Variants in KCND3 observed in about 807,000 individuals in gnomAD.
The protein encoded by KCND3 is A-type voltage-gated potassium channel KCND3.
In KCND3, 9 loss-of-function variants were observed where a neutral mutation model predicts 51.1. That is an observed-to-expected ratio of 0.18 (90% CI 0.11 to 0.31). The LOEUF (loss-of-function observed/expected upper bound fraction) is 0.31. Among genes scored for constraint, KCND3 ranks in the 10% least tolerant of loss-of-function variants. The pLI is 1.00. For synonymous variants in KCND3, 349 were observed against 368.0 expected (o/e 0.95, Z 0.59); for missense variants, 526 against 903.8 (o/e 0.58, Z 5.36).
At chr1:111,966,575 C>T (rs1392308485) in intron 2 of KCND3, among the ~76,000 whole-genome samples, 1 of 152,128 alleles carries the variant, frequency 6.6e-6, no homozygotes, top group African/African-American at 2.4e-5. Flanking sequence ...GAAGCCTCCA[C>T]CCACCGACGG....
intron 6 of KCND3, 123 bp from the exon 7 acceptor site, chr1:111,777,396 G>A (rs994729028): frequency 1.6e-5 from 16 of 1,021,620 alleles, no homozygotes; most frequent in African/African-American, 9.4e-5. Context: ...CCAGCTGCCC[G>A]GATCACAGAT....
In KCND3 at chr1:111,860,543, C is replaced by G. The variant is rs144058325; in HGVS notation, c.1107-73437G>C. 3.1e-3 allele frequency among the ~76,000 whole-genome samples: 476 copies of G among 152,280 alleles called. 3 individuals carry two copies. Among genetic ancestry groups the G allele is most frequent in the African/African-American group, 0.011 (454 of 41,554 alleles). ...TACAGCTTCTCAGTCCCCCACCCCC[C>G]CAACTTGGGATTTAGTTCTATCCAT... is the stretch of plus-strand genomic sequence containing the variant. On this transcript the variant is annotated intron_variant, in intron 2 of 7. Transcript: ENST00000302127.
chr1:111,812,791 G>GCT (rs1665914757), intron 2 of KCND3, among the ~76,000 whole-genome samples: 1 of 152,142 alleles, frequency 6.6e-6, no homozygotes, highest in African/African-American at 2.4e-5. Flanking sequence ...AGGGCACAGG[G>GCT]AGCCGGGCAC....
At chr1:111,860,869 T>C (rs965255973) in intron 2 of KCND3, among the ~76,000 whole-genome samples, 5 of 152,166 alleles carry the variant, frequency 3.3e-5, no homozygotes, top group African/African-American at 1.2e-4. Flanking sequence ...TGAGCCCAAG[T>C]CTTAGCCAGC....
intron 2 of KCND3, among the ~76,000 whole-genome samples, chr1:111,891,922 A>G (rs1669842405): frequency 6.6e-6 from 1 of 151,820 alleles, no homozygotes; most frequent in African/African-American, 2.4e-5. Flanking sequence ...ATCAGACACC[A>G]TCCTTGCCCT....
chr1:111,984,778 C>T (rs910638995), intron 1 of KCND3, among the ~76,000 whole-genome samples: 17 of 152,124 alleles, frequency 1.1e-4, no homozygotes, highest in African/African-American at 3.6e-4. Flanking sequence ...GGAGGTCTGC[C>T]TCTGGACCAC....
intron 2 of KCND3, among the ~76,000 whole-genome samples, chr1:111,961,911 C>T (rs1673682779): frequency 6.6e-6 from 1 of 152,196 alleles, no homozygotes; most frequent in South Asian, 2.1e-4. Context: ...CAGGCGGCTA[C>T]AGTCCCACTT....
rs143545138 is a variant in KCND3 at position 111,818,874 on chromosome 1, A to T, written c.1107-31768T>A. 5.3e-5 allele frequency among the ~76,000 whole-genome samples: 8 copies of T among 152,324 alleles called. No individual in the cohort carries two copies. The East Asian group carries it at 1.3e-3, about 26-fold the overall frequency. ...GAGGCATAGCATCCAGAGAGGCCCT[A>T]AACATTACACTTTTGTCCCGCAAAG... On this transcript the variant is annotated intron_variant, in intron 2 of 7. Coordinates refer to ENST00000302127, the MANE Select transcript of KCND3 (RefSeq NM_001378969.1).
chr1:111,881,916 A>G (rs1236531183), intron 2 of KCND3, among the ~76,000 whole-genome samples: 1 of 152,198 alleles, frequency 6.6e-6, no homozygotes, highest in East Asian at 1.9e-4. Context: ...AGACAAGAGC[A>G]CCGTGCTTGG....
At chr1:111,891,908 A>T (rs1482998387) in intron 2 of KCND3, among the ~76,000 whole-genome samples, 2 of 152,126 alleles carry the variant, frequency 1.3e-5, no homozygotes, top group Non-Finnish European at 1.5e-5. Context: ...AGACTTGAAG[A>T]TGAATCAGAC....
chr1:111,834,114 C>A (rs1234107278), intron 2 of KCND3, among the ~76,000 whole-genome samples: 5 of 152,152 alleles, frequency 3.3e-5, no homozygotes, highest in African/African-American at 1.2e-4. Flanking sequence ...GGGATCAGAC[C>A]AAGGATTTGA....
intron 2 of KCND3, among the ~76,000 whole-genome samples, chr1:111,832,778 C>T (rs1221487230): frequency 1.3e-5 from 2 of 151,922 alleles, no homozygotes; most frequent in Non-Finnish European, 2.9e-5. Context: ...GGAATAAATA[C>T]CTCTTTGGTA....
At chr1:111,989,035 G>A (rs1300933378) in intron 1 of KCND3, 2 of 152,148 alleles carry the variant, frequency 1.3e-5, no homozygotes, top group African/African-American at 4.8e-5. Flanking sequence ...AAGTGGCGTC[G>A]GGCAGGACCA....
chr1:111,806,819 G>A (rs1235632244), intron 2 of KCND3, among the ~76,000 whole-genome samples: 2 of 152,190 alleles, frequency 1.3e-5, no homozygotes, highest in African/African-American at 4.8e-5. Context: ...ACAATGAGCT[G>A]TGGTTTTTGC....
chr1:111,938,720 GAGA>G (rs565435576), intron 2 of KCND3, among the ~76,000 whole-genome samples: 7 of 152,212 alleles, frequency 4.6e-5, no homozygotes, highest in Non-Finnish European at 7.3e-5. Flanking sequence ...CTTGGCTAAA[GAGA>G]AGAACAGCAG....
Position 111,982,076 on chromosome 1 carries a change from C to T in KCND3, c.651G>A (p.Pro217=), listed in dbSNP as rs186974111. Residue 217 remains proline (P), a synonymous_variant, in exon 2 of 8, where the codon CCG becomes CCA. Transcript: ENST00000302127. The surrounding 1 kb of genome is among the most constrained non-coding windows in gnomAD (Gnocchi z 8.5). ...CGTVPGSKEL[P]CGERYSVAFF... The stretch of plus-strand genomic sequence containing the variant: ...AGGCCACCGAGTAGCGCTCCCCGCA[C>T]GGCAGCTCCTTGCTGCCCGGGACCG... 5.9e-5 allele frequency: 96 copies of T among 1,613,712 alleles called. No homozygotes were observed. Among genetic ancestry groups the T allele is most frequent in the Middle Eastern group, 4.9e-4 (3 of 6,062 alleles).
Position 111,775,819 on chromosome 1 carries a change from A to AACCCCCCCCCCCCC in KCND3, c.*257_*258insGGGGGGGGGGGGGT. On this transcript the variant is annotated 3_prime_UTR_variant, in exon 8 of 8. Transcript: ENST00000302127. ...GCCTATATCCCCCGGCCTATCCCCG[A>AACCCCCCCCCCCCC]CCCCCCCACCCTCCCTCCCTTCCTC... 8 of 97,706 alleles carry AACCCCCCCCCCCCC rather than the reference A, an allele frequency of 8.2e-5. No homozygotes were observed. The highest frequency in any genetic ancestry group is 3.8e-4 in the South Asian group (2 of 5,202). 6.1% of individuals were successfully genotyped at this position (97,706 alleles called of 1,614,324 possible). A position where few individuals can be genotyped will look rare whatever the true frequency, so the allele number is the denominator to read the frequency against.
chr1:111,795,584 G>A (rs1238766627), intron 2 of KCND3, among the ~76,000 whole-genome samples: 1 of 152,198 alleles, frequency 6.6e-6, no homozygotes, highest in African/African-American at 2.4e-5. Flanking sequence ...TCTGACTTCA[G>A]AGCGTTCTGC....
intron 2 of KCND3, among the ~76,000 whole-genome samples, chr1:111,790,673 T>C (rs1664787939): frequency 6.6e-6 from 1 of 152,216 alleles, no homozygotes; most frequent in South Asian, 2.1e-4. Flanking sequence ...CAGTTTAATT[T>C]TAGAGCACTT....
Sources: gnomAD v4.1 joint callset for allele counts (sites outside exome capture counted in the v4.1 genomes callset) on GRCh38, gnomAD v4.1.1 for gene constraint, Gnocchi (gnomAD v3.1) non-coding constraint, MANE v1.5 for transcripts, NCBI Gene and HGNC (gene_info 2026-07-23, HGNC 2026-07-21) for gene names.